KIF21B: variants seen among roughly 807,000 people sequenced by gnomAD.
KIF21B encodes the protein kinesin family member 21B.
Under a neutral mutation model 192.9 loss-of-function variants are expected in KIF21B, and 85 were observed. The observed-to-expected ratio is 0.44, with a 90% CI of 0.37 to 0.53. The LOEUF is 0.53. Ranked by LOEUF, KIF21B falls within the 20% of genes least tolerant of loss-of-function variation. The pLI is 0.00. For synonymous variants in KIF21B, 832 were observed against 884.6 expected (o/e 0.94, Z 1.05); for missense variants, 1,716 against 2,194.8 (o/e 0.78, Z 4.36).
chr1:200,981,203 G>C, intron 28 of KIF21B, 107 bp from the exon 29 acceptor site: 2 of 1,224,966 alleles, frequency 1.6e-6, no homozygotes, highest in Non-Finnish European at 2.2e-6. Flanking sequence ...AGGGGATGAG[G>C]ACCAAATAAC....
rs200381288 is a variant in KIF21B, at chr1:200,984,890, T to C, written c.3772A>G (p.Ser1258Gly). Residue 1258 changes from serine (S) to glycine (G), a missense_variant, in exon 27 of 35, where the codon AGT (serine) becomes GGT (glycine). Transcript: ENST00000461742. ...NDRNVFSRLT[S>G]NQSQGSALDK... ...AGCGCTGACCCCTGGCTCTGATTAC[T>C]GGTGAGACGAGAGAAGACATTGCGG... The C allele has an allele frequency of 3.1e-6, 5 of 1,604,664 alleles. No individual in the cohort carries two copies. The highest frequency in any genetic ancestry group is 1.7e-5 in the Admixed American group (1 of 58,240).
Position 201,002,156 on chromosome 1 carries a change from C to A in KIF21B, c.1402+5G>T. ...TCTGACCTGGCCTGGCACAGCCCAACTCACCGGCCTTGGCTAGCAGCAGGT... is the reference window on the plus strand; with the variant it reads ...TCTGACCTGGCCTGGCACAGCCCAAATCACCGGCCTTGGCTAGCAGCAGGT... On this transcript the variant is annotated splice_donor_5th_base_variant and intron_variant, in intron 9 of 34. Coordinates refer to ENST00000461742, the MANE Select transcript of KIF21B (RefSeq NM_001252102.2). 1 of 1,613,534 alleles carries A rather than the reference C, an allele frequency of 6.2e-7. No homozygotes were observed. Among genetic ancestry groups the A allele is most frequent in the Non-Finnish European group, 8.5e-7 (1 of 1,179,946 alleles).
At chr1:200,995,575 G>A (rs1425962245) in intron 15 of KIF21B, among the ~76,000 whole-genome samples, 1 of 152,236 alleles carries the variant, frequency 6.6e-6, no homozygotes, top group Non-Finnish European at 1.5e-5. Context: ...GAAAAGGGAG[G>A]CATTGTGCCA....
intron 1 of KIF21B, among the ~76,000 whole-genome samples, chr1:201,011,197 T>C (rs1244363330): frequency 6.6e-6 from 1 of 152,258 alleles, no homozygotes; most frequent in Non-Finnish European, 1.5e-5. Flanking sequence ...GACCAGAAAC[T>C]TGAGTCTCCA....
chr1:200,988,302 C>T lies in KIF21B; in HGVS notation c.3402G>A (p.Lys1134=). Residue 1134 remains lysine, a synonymous_variant, in exon 24 of 35, where the codon AAG becomes AAA. Coordinates refer to ENST00000461742, the MANE Select transcript of KIF21B (RefSeq NM_001252102.2). ...MKGSTSHDDF[K]FKSEPKLSAQ... ...GACTTCCGGCGGGGCTCACCTTGAA[C>T]TTGAAATCGTCATGGCTGGTGGAGC... 1 of 1,614,026 alleles carries T rather than the reference C, an allele frequency of 6.2e-7. No individual in the cohort carries two copies.
chr1:200,973,988 T>C, intron 34 of KIF21B: 2 of 1,547,142 alleles, frequency 1.3e-6, no homozygotes, highest in South Asian at 1.2e-5. Flanking sequence ...GAAGAAGGAG[T>C]AAAATAATCT....
intron 9 of KIF21B, 66 bp downstream of exon 9, chr1:201,002,095 T>G (rs908792431): frequency 4.5e-5 from 63 of 1,389,426 alleles, no homozygotes; most frequent in East Asian, 3.5e-4. Flanking sequence ...TACTCTGGGG[T>G]GGATGTCGGG....
chr1:200,977,708 G>C (rs1488340120), intron 30 of KIF21B, among the ~76,000 whole-genome samples: 2 of 151,810 alleles, frequency 1.3e-5, no homozygotes, highest in African/African-American at 4.8e-5. Context: ...TCTGTTAAAA[G>C]AGGTGATTAT....
Position 200,975,554 on chromosome 1 carries a change from C to G in KIF21B, c.4559G>C (p.Gly1520Ala), listed in dbSNP as rs1655490903. Residue 1520 changes from glycine (G) to alanine (A), a missense_variant, in exon 33 of 35, where the codon GGC becomes GCC. By Grantham distance (60) the Gly-to-Ala change is moderately conservative. Transcript: ENST00000461742. The surrounding 1 kb of genome is among the most constrained non-coding windows in gnomAD (Gnocchi z 4.3). ...CTTCTTGATGCCGTTATCTCGGGAG[C>G]CACTGAACAGGATGTCTCCCTGGAT... The part of the protein sequence containing the change: ...LAIQGDILFS[G>A]SRDNGIKKWD... 6.2e-7 allele frequency: 1 copy of G among 1,613,958 alleles called. No homozygotes were observed. The highest frequency in any genetic ancestry group is 8.5e-7 in the Non-Finnish European group (1 of 1,179,840).
rs1190321861 is a variant in KIF21B at position 200,992,272 on chromosome 1, C to T, written c.2385+10G>A. On this transcript the variant is annotated intron_variant, in intron 16 of 34. Transcript: ENST00000461742. Reference sequence around the variant, plus strand: ...AAAGGCTCCTGGGAGGCTCAAGGGCCACCCCTCACCTCCTGTCGCCGCTGC... The same window carrying T: ...AAAGGCTCCTGGGAGGCTCAAGGGCTACCCCTCACCTCCTGTCGCCGCTGC... 5.6e-6 allele frequency: 9 copies of T among 1,609,782 alleles called. No individual in the cohort carries two copies. The highest frequency in any genetic ancestry group is 1.7e-6 in the Non-Finnish European group (2 of 1,179,420).
At chr1:201,015,614 G>C (rs1449256725) in intron 1 of KIF21B, among the ~76,000 whole-genome samples, 1 of 152,200 alleles carries the variant, frequency 6.6e-6, no homozygotes, top group Non-Finnish European at 1.5e-5. Context: ...CAGTGGGGCA[G>C]AGCAGAGCCA....
chr1:201,000,661 C>G lies in KIF21B; in HGVS notation c.1467-53G>C. 6.2e-7 allele frequency: 1 copy of G among 1,613,220 alleles called. No homozygotes were observed. The highest frequency in any genetic ancestry group is 8.5e-7 in the Non-Finnish European group (1 of 1,179,478). ...CCGAGTGAGCTGCCACAGCCCTTGG[C>G]GTCACCTGGCCGAGGCCCCCAGCCC... On this transcript the variant is annotated intron_variant, in intron 10 of 34. Transcript: ENST00000461742. The surrounding 1 kb of genome is among the most constrained non-coding windows in gnomAD (Gnocchi z 6.0).
At position 200,973,527 on chromosome 1, in the gene KIF21B, T is replaced by A. The variant is rs988841644; in HGVS notation, c.4866A>T (p.Pro1622=). 1.4e-6 allele frequency: 2 copies of A among 1,479,418 alleles called. No homozygotes were observed. Among genetic ancestry groups the A allele is most frequent in the African/African-American group, 2.9e-5 (2 of 68,826 alleles). The allele number at this position is 1,479,418 out of a possible 1,614,324, so 91.6% of individuals were successfully genotyped here. The change falls in exon 35 of 35, where the codon CCA becomes CCT. Residue 1622 remains proline (P), a synonymous_variant. Coordinates refer to ENST00000461742, the MANE Select transcript of KIF21B (RefSeq NM_001252102.2). ...WSVRRLPHSG[P]P ...CATCCCTCTGACCTCACTCCTAGGG[T>A]GGGCCGCTGTGGGGTAACCGCCGGA...
At chr1:200,973,673 A>G in intron 34 of KIF21B, 95 bp from the exon 35 acceptor site, 1 of 1,506,372 alleles carries the variant, frequency 6.6e-7, no homozygotes, top group Non-Finnish European at 8.8e-7. Flanking sequence ...GGATTCCCCA[A>G]ACTCCCCAAA....
chr1:200,976,748 C>T (rs1221089685), intron 32 of KIF21B, 28 bp downstream of exon 32: 1 of 1,476,210 alleles, frequency 6.8e-7, no homozygotes, highest in Non-Finnish European at 9.4e-7. Flanking sequence ...GAAGACCAGC[C>T]CCGACCCAGG....
chr1:200,988,612 G>T, intron 22 of KIF21B, 68 bp from the exon 23 acceptor site: 1 of 1,440,580 alleles, frequency 6.9e-7, no homozygotes. Context: ...GAGGGATGAT[G>T]GTCTCCCTCC....
intron 7 of KIF21B, 62 bp from the exon 8 acceptor site, chr1:201,003,843 C>T: frequency 6.4e-7 from 1 of 1,551,110 alleles, no homozygotes; most frequent in Non-Finnish European, 8.9e-7. Flanking sequence ...GAAGCATTGC[C>T]TCAGGGTAGA....
In KIF21B at chr1:201,000,764, G is replaced by A. The variant is rs1383453584; in HGVS notation, c.1419C>T (p.Ala473=). ...TGTAGTTCTGGATCAGCGCACCAAT[G>A]GCCTCATTGCCATCGCCTGGAGTGG... is the stretch of plus-strand genomic sequence containing the variant. The part of the protein sequence containing the change: ...LLAKAGDGNE[A]IGALIQNYIR... The change falls in exon 10 of 35, where the codon GCC becomes GCT. Residue 473 remains alanine (A), a synonymous_variant. Coordinates refer to ENST00000461742, the MANE Select transcript of KIF21B (RefSeq NM_001252102.2). This position sits in a 1 kb window ranked among gnomAD's most constrained non-coding sequence, Gnocchi z 6.0. 1 of 1,614,112 alleles carries A rather than the reference G, an allele frequency of 6.2e-7. No individual in the cohort carries two copies. Among genetic ancestry groups the A allele is most frequent in the African/African-American group, 1.3e-5 (1 of 74,956 alleles).
intron 1 of KIF21B, among the ~76,000 whole-genome samples, chr1:201,010,823 GA>G (rs1347259489): frequency 6.6e-6 from 1 of 152,200 alleles, no homozygotes; most frequent in Non-Finnish European, 1.5e-5. Flanking sequence ...TGTAGGCTGG[GA>G]AAGGTGCTCA....
Sources: gnomAD v4.1 joint callset for allele counts (sites outside exome capture counted in the v4.1 genomes callset) on GRCh38, gnomAD v4.1.1 for gene constraint, Gnocchi (gnomAD v3.1) non-coding constraint, MANE v1.5 for transcripts, NCBI Gene and HGNC (gene_info 2026-07-23, HGNC 2026-07-21) for gene names.